Variants in SPACA7 observed in about 807,000 individuals in gnomAD.
SPACA7 encodes the protein sperm acrosome-associated protein 7.
Under a neutral mutation model 26.3 loss-of-function variants are expected in SPACA7, and 19 were observed. The observed-to-expected ratio is 0.72, with a 90% CI of 0.50 to 1.06. The LOEUF is 1.06. Among genes scored for constraint, SPACA7 ranks in the 50% least tolerant of loss-of-function variants. The pLI is 0.00. For missense variants in SPACA7, 211 were observed against 229.9 expected (o/e 0.92, Z 0.53); for synonymous variants, 84 against 84.5 (o/e 0.99, Z 0.04).
At chr13:112,394,677 G>C (rs1397642165) in intron 2 of SPACA7, among the ~76,000 whole-genome samples, 1 of 151,832 alleles carries the variant, frequency 6.6e-6, no homozygotes, top group Non-Finnish European at 1.5e-5. Context: ...CCCCAGGCAG[G>C]AGTTAGACTC....
chr13:112,399,397 C>A (rs373522452), intron 4 of SPACA7, among the ~76,000 whole-genome samples: 1 of 152,244 alleles, frequency 6.6e-6, no homozygotes, highest in South Asian at 2.1e-4. Flanking sequence ...AAAAACACAG[C>A]CCAGGGAAGC....
rs553890120 is a variant in SPACA7, at chr13:112,382,610, G to A, written c.94+6131G>A. 395 of 1,409,440 alleles carry A rather than the reference G, an allele frequency of 2.8e-4. 6 individuals are homozygous for A. In the South Asian group the frequency reaches 5.3e-3, roughly 19 times the overall value. 87.3% of individuals were successfully genotyped at this position (1,409,440 alleles called of 1,614,324 possible). The stretch of plus-strand genomic sequence containing the variant: ...AAAAACATTATTACCTTTATCTATA[G>A]TTTTAGTACAGTATTTAAGTAAACA... On this transcript the variant is annotated intron_variant, in intron 1 of 6. Coordinates refer to ENST00000283550, the MANE Select transcript of SPACA7 (RefSeq NM_145248.5).
Position 112,422,026 on chromosome 13 carries a change from G to T in SPACA7, c.446-10418G>T, listed in dbSNP as rs547078136. 1.6e-4 allele frequency among the ~76,000 whole-genome samples: 25 copies of T among 152,156 alleles called. No individual in the cohort carries two copies. In the South Asian group the frequency reaches 5.2e-3, roughly 32 times the overall value. The stretch of plus-strand genomic sequence containing the variant: ...CTAATAGGGACTAGGCTTAATTGCT[G>T]GATGATGAAATAATCTGTACAACAA... On this transcript the variant is annotated intron_variant, in intron 5 of 6. Transcript: ENST00000283550.
chr13:112,419,880 G>A (rs370394190), intron 5 of SPACA7, among the ~76,000 whole-genome samples: 6 of 152,162 alleles, frequency 3.9e-5, no homozygotes, highest in Non-Finnish European at 7.3e-5. Flanking sequence ...AAAGAAACCC[G>A]CTCTGCCGTG....
chr13:112,415,378 T>G (rs1022886794), intron 5 of SPACA7, among the ~76,000 whole-genome samples: 3 of 152,176 alleles, frequency 2.0e-5, no homozygotes, highest in Non-Finnish European at 4.4e-5. Context: ...CACGGTCACT[T>G]TAGTCAGCCA....
intron 2 of SPACA7, among the ~76,000 whole-genome samples, chr13:112,395,713 GC>G (rs1885201621): frequency 6.6e-6 from 1 of 152,114 alleles, no homozygotes; most frequent in South Asian, 2.1e-4. Context: ...CAGGTGATCT[GC>G]CCACCTCGGC....
At chr13:112,378,108 G>A (rs2138844738) in intron 1 of SPACA7, among the ~76,000 whole-genome samples, 1 of 152,226 alleles carries the variant, frequency 6.6e-6, no homozygotes, top group African/African-American at 2.4e-5. Context: ...TTTCCAGATG[G>A]TCCCACGGAA....
intron 5 of SPACA7, among the ~76,000 whole-genome samples, chr13:112,424,379 T>C (rs916519405): frequency 6.6e-6 from 1 of 152,178 alleles, no homozygotes; most frequent in Non-Finnish European, 1.5e-5. Context: ...TGCAGGAGTC[T>C]GTGGACTTCA....
At chr13:112,384,271 C>G (rs1272820891) in intron 1 of SPACA7, among the ~76,000 whole-genome samples, 1 of 152,072 alleles carries the variant, frequency 6.6e-6, no homozygotes, top group East Asian at 1.9e-4. Context: ...ATTAAAGACA[C>G]AGTTGACAAG....
intron 5 of SPACA7, among the ~76,000 whole-genome samples, chr13:112,403,400 T>G (rs1447548333): frequency 6.6e-6 from 1 of 152,136 alleles, no homozygotes; most frequent in Non-Finnish European, 1.5e-5. Context: ...ATCTGTCTGG[T>G]TTATCGTTTT....
intron 1 of SPACA7, among the ~76,000 whole-genome samples, chr13:112,383,026 AAG>A (rs1555324355): frequency 2.1e-5 from 2 of 95,214 alleles, no homozygotes; most frequent in Non-Finnish European, 2.5e-5. Context: ...GAAAGAAAGA[AAG>A]AGAGAGAGAG....
At chr13:112,376,513 G>A (rs1223029220) in intron 1 of SPACA7, 34 bp downstream of exon 1, 1 of 1,599,710 alleles carries the variant, frequency 6.3e-7, no homozygotes, top group Non-Finnish European at 8.5e-7. Context: ...AGCAGAAAGA[G>A]AACTGAACCA....
chr13:112,383,045 A>AGAGAGAGAGAGAGAGAGACAGG (rs781245231), intron 1 of SPACA7, among the ~76,000 whole-genome samples: 2 of 134,948 alleles, frequency 1.5e-5, no homozygotes. Context: ...AGAGAGAAAG[A>AGAGAGAGAGAGAGAGAGACAGG]CAGAAGGAAA....
chr13:112,424,859 G>C (rs1383328232), intron 5 of SPACA7, among the ~76,000 whole-genome samples: 1 of 152,058 alleles, frequency 6.6e-6, no homozygotes. Context: ...GGTATTTCTC[G>C]GTACATCCAT....
Position 112,401,120 on chromosome 13 carries a change from G to C in SPACA7, c.401G>C (p.Gly134Ala). 1 of 1,614,072 alleles carries C rather than the reference G, an allele frequency of 6.2e-7. No homozygotes were observed. The highest frequency in any genetic ancestry group is 1.1e-5 in the South Asian group (1 of 91,076). The change falls in exon 5 of 7, where the codon GGG becomes GCG. Residue 134 changes from glycine to alanine, a missense_variant. Physicochemically the swap from Gly to Ala is moderately conservative, Grantham distance 60. Transcript: ENST00000283550. ...LHGDPSENYR[G>A]PQVSPGSEKS... is the part of the protein sequence containing the mutation. ...GGCGATCCTTCTGAGAATTATCGTG[G>C]GCCACAGGTGTCTCCTGGCAGTGAG...
intron 1 of SPACA7, among the ~76,000 whole-genome samples, chr13:112,380,668 CA>C (rs1468569999): frequency 3.9e-5 from 6 of 151,970 alleles, no homozygotes; most frequent in African/African-American, 1.4e-4. Context: ...CCTGAAAAAA[CA>C]AATTTTAAAC....
chr13:112,413,784 T>C (rs1886505669), intron 5 of SPACA7, among the ~76,000 whole-genome samples: 1 of 152,214 alleles, frequency 6.6e-6, no homozygotes, highest in African/African-American at 2.4e-5. Flanking sequence ...GACTGTATAT[T>C]TTTAAATGGC....
At chr13:112,383,153 GAAAGAAAGAAAGAAAGAA>G (rs1884278536) in intron 1 of SPACA7, among the ~76,000 whole-genome samples, 4 of 111,352 alleles carry the variant, frequency 3.6e-5, no homozygotes, top group African/African-American at 1.5e-4. Flanking sequence ...AAGAAAGAAA[GAAAGAAAGAAAGAAAGAA>G]AGAAAGAAAG....
chr13:112,391,573 C>T (rs766193712), intron 1 of SPACA7, among the ~76,000 whole-genome samples: 5 of 152,152 alleles, frequency 3.3e-5, no homozygotes, highest in African/African-American at 7.2e-5. Flanking sequence ...AATTACATGG[C>T]GTGCGGCACC....
Sources: gnomAD v4.1 joint callset for allele counts (sites outside exome capture counted in the v4.1 genomes callset) on GRCh38, gnomAD v4.1.1 for gene constraint, MANE v1.5 for transcripts, NCBI Gene and HGNC (gene_info 2026-07-23, HGNC 2026-07-21) for gene names.